The following C10orf143 variants were observed in gnomAD, a reference collection of about 807,000 sequenced individuals.
C10orf143 encodes the protein uncharacterized protein C10orf143.
chr10:130,107,968 T>C (rs1485434914), intron 1 of C10orf143: 5 of 1,517,100 alleles, frequency 3.3e-6, no homozygotes, highest in Non-Finnish European at 4.6e-6. Context: ...TCAGAAGTTT[T>C]AATATGCCTC....
intron 3 of C10orf143, among the ~76,000 whole-genome samples, chr10:130,039,293 G>A (rs766005114): frequency 6.6e-6 from 1 of 152,328 alleles, no homozygotes. Context: ...CCCACACTCT[G>A]CTGTCTGCAA....
chr10:130,092,514 G>A (rs185767215), intron 1 of C10orf143, among the ~76,000 whole-genome samples: 3 of 152,038 alleles, frequency 2.0e-5, no homozygotes, highest in Admixed American at 6.6e-5. Context: ...TCAATTAACG[G>A]GCAAAATAAC....
At chr10:130,045,072 T>C (rs1564952020) in intron 3 of C10orf143, among the ~76,000 whole-genome samples, 1 of 152,054 alleles carries the variant, frequency 6.6e-6, no homozygotes, top group Non-Finnish European at 1.5e-5. Flanking sequence ...TTCTCTGGGG[T>C]CCAGGGGCCC....
intron 1 of C10orf143, among the ~76,000 whole-genome samples, chr10:130,101,873 A>AAC (rs1554950039): frequency 6.3e-5 from 9 of 142,516 alleles, no homozygotes; most frequent in African/African-American, 2.2e-4. Context: ...ACCAAAAAAA[A>AAC]AAAAAAAAAA....
chr10:130,074,923 CCACACACACAGACATG>C (rs1173317224), intron 3 of C10orf143, among the ~76,000 whole-genome samples: 4 of 151,890 alleles, frequency 2.6e-5, no homozygotes, highest in Non-Finnish European at 5.9e-5. Context: ...TTGGCTGACT[CCACACACACAGACATG>C]CACACACACT....
At chr10:130,044,794 C>T (rs559348329) in intron 3 of C10orf143, among the ~76,000 whole-genome samples, 101 of 152,240 alleles carry the variant, frequency 6.6e-4, no homozygotes, top group Admixed American at 1.9e-3. Context: ...TGGGGATGTA[C>T]CCTTGCCACC....
intron 3 of C10orf143, among the ~76,000 whole-genome samples, chr10:130,050,557 T>C (rs1244631628): frequency 2.6e-5 from 4 of 152,144 alleles, no homozygotes; most frequent in Non-Finnish European, 5.9e-5. Flanking sequence ...ATCAGAATCA[T>C]CTTAGTCACA....
chr10:130,092,866 A>G (rs1861403783), intron 1 of C10orf143, among the ~76,000 whole-genome samples: 1 of 152,212 alleles, frequency 6.6e-6, no homozygotes. Flanking sequence ...AAGAAGAGCT[A>G]ACTATCCTAA....
chr10:130,049,622 G>C (rs1238261283), intron 3 of C10orf143, among the ~76,000 whole-genome samples: 1 of 152,204 alleles, frequency 6.6e-6, no homozygotes, highest in East Asian at 1.9e-4. Flanking sequence ...GTCCTGATAA[G>C]GGAACCTACA....
In C10orf143 at chr10:130,079,639, A is replaced by T; in HGVS notation, c.235-11T>A. Reference sequence around the variant, plus strand: ...ACCATTCTGAGAAATCTAGTTAACAAATCACAGTTGCAGATATATCAGAAC... The same window carrying T: ...ACCATTCTGAGAAATCTAGTTAACATATCACAGTTGCAGATATATCAGAAC... On this transcript the variant is annotated splice_polypyrimidine_tract_variant and intron_variant, in intron 2 of 3. Transcript: ENST00000637128. The T allele has an allele frequency of 2.5e-6, 1 of 399,072 alleles. No homozygotes were observed. The highest frequency in any genetic ancestry group is 4.4e-6 in the Non-Finnish European group (1 of 226,086). The allele number at this position is 399,072 out of a possible 1,614,324, so 24.7% of individuals were successfully genotyped here.
chr10:130,046,345 C>T (rs1860672586), intron 3 of C10orf143, among the ~76,000 whole-genome samples: 1 of 152,170 alleles, frequency 6.6e-6, no homozygotes, highest in African/African-American at 2.4e-5. Flanking sequence ...GCCGCTCCCC[C>T]GCCCAGCGCC....
At chr10:130,107,663 G>A (rs1861678012) in intron 1 of C10orf143, 6 of 1,313,260 alleles carry the variant, frequency 4.6e-6, no homozygotes, top group Admixed American at 1.7e-5. Flanking sequence ...AACTCTGTTG[G>A]AGGGTCCACT....
At chr10:130,062,374 C>T (rs548773147), downstream of C10orf143, among the ~76,000 whole-genome samples, 11 of 152,196 alleles carry the variant, frequency 7.2e-5, no homozygotes, top group East Asian at 1.5e-3. Context: ...CTGGGAGAGG[C>T]GGACTCACCC....
At chr10:130,107,562 C>T (rs747253777) in intron 1 of C10orf143, 2 of 1,347,590 alleles carry the variant, frequency 1.5e-6, no homozygotes, top group African/African-American at 1.4e-5. Flanking sequence ...CTTGATGTTC[C>T]AAATACAGCA....
At chr10:130,060,653 C>T (rs1017756070), downstream of C10orf143, among the ~76,000 whole-genome samples, 1 of 151,062 alleles carries the variant, frequency 6.6e-6, no homozygotes, top group Admixed American at 6.6e-5. Context: ...GAAACCCCAT[C>T]TCTACTAAAA....
At chr10:130,072,941 T>C (rs1489244780) in intron 3 of C10orf143, among the ~76,000 whole-genome samples, 1 of 152,186 alleles carries the variant, frequency 6.6e-6, no homozygotes, top group East Asian at 1.9e-4. Flanking sequence ...TTGCCACAAA[T>C]CTTCAATGTG....
At chr10:130,075,453 C>A (rs1253238998) in intron 3 of C10orf143, among the ~76,000 whole-genome samples, 2 of 152,178 alleles carry the variant, frequency 1.3e-5, no homozygotes, top group African/African-American at 4.8e-5. Context: ...TTAGAAACAG[C>A]AACTTTCCTC....
At chr10:130,091,714 T>C (rs1861385420) in intron 1 of C10orf143, among the ~76,000 whole-genome samples, 2 of 151,962 alleles carry the variant, frequency 1.3e-5, no homozygotes, top group Admixed American at 6.6e-5. Context: ...GTTTAGACAA[T>C]AACATAAATG....
At chr10:130,060,822 C>CAAAAAA (rs11312813), downstream of C10orf143, among the ~76,000 whole-genome samples, 1 of 53,358 alleles carries the variant, frequency 1.9e-5, no homozygotes, top group Non-Finnish European at 3.6e-5. Context: ...GACTCCGTCT[C>CAAAAAA]AAAAAAAAAA....
Sources: gnomAD v4.1 joint callset for allele counts (sites outside exome capture counted in the v4.1 genomes callset) on GRCh38, gnomAD v4.1.1 for gene constraint, MANE v1.5 for transcripts, NCBI Gene and HGNC (gene_info 2026-07-23, HGNC 2026-07-21) for gene names.